The following GRM1 variants were observed in gnomAD, a reference collection of about 807,000 sequenced individuals.
The protein encoded by GRM1 is metabotropic glutamate receptor 1.
A neutral mutation model predicts 90.9 loss-of-function variants in GRM1; 33 were observed. That is an observed-to-expected ratio of 0.36 (90% CI 0.28 to 0.49). The LOEUF (loss-of-function observed/expected upper bound fraction) is 0.49. Ranked by LOEUF, GRM1 falls within the 20% of genes least tolerant of loss-of-function variation. GRM1 has a pLI of 0.99. For synonymous variants in GRM1, 700 were observed against 613.2 expected, an observed-to-expected ratio of 1.14 and a Z score of -2.09; for missense variants, 1,190 against 1,534.3, an observed-to-expected ratio of 0.78 and a Z score of 3.75.
intron 6 of GRM1, 56 bp downstream of exon 6, chr6:146,387,072 T>A: frequency 3.3e-6 from 5 of 1,538,270 alleles, no homozygotes; most frequent in Non-Finnish European, 3.6e-6. Flanking sequence ...TTCCAATGTG[T>A]CCATCCCTCA....
At chr6:146,092,694 G>A (rs1776753155) in intron 1 of GRM1, among the ~76,000 whole-genome samples, 1 of 152,044 alleles carries the variant, frequency 6.6e-6, no homozygotes, top group Admixed American at 6.6e-5. Flanking sequence ...ATGCACATCT[G>A]AGAGGGCTTA....
At chr6:146,409,355 G>T (rs762504533) in intron 7 of GRM1, among the ~76,000 whole-genome samples, 7 of 152,136 alleles carry the variant, frequency 4.6e-5, no homozygotes, top group Non-Finnish European at 8.8e-5. Context: ...AGCACAGAGA[G>T]AAATACTGTC....
intron 2 of GRM1, among the ~76,000 whole-genome samples, chr6:146,214,207 A>C (rs1345789647): frequency 2.0e-5 from 3 of 152,130 alleles, no homozygotes; most frequent in Non-Finnish European, 4.4e-5. Flanking sequence ...AGTCAAATTG[A>C]CACCTAAGAT....
intron 2 of GRM1, among the ~76,000 whole-genome samples, chr6:146,278,017 A>C (rs1396114349): frequency 1.3e-5 from 2 of 152,156 alleles, no homozygotes; most frequent in Non-Finnish European, 2.9e-5. Flanking sequence ...GAGATTTTTA[A>C]GTATCTATTA....
intron 1 of GRM1, among the ~76,000 whole-genome samples, chr6:146,059,430 G>A (rs918911786): frequency 1.3e-5 from 2 of 152,096 alleles, no homozygotes; most frequent in Middle Eastern, 3.2e-3. Context: ...GCTATAAACA[G>A]AAGTGCCGTC....
intron 7 of GRM1, among the ~76,000 whole-genome samples, chr6:146,403,087 A>G (rs1777215351): frequency 6.6e-6 from 1 of 152,146 alleles, no homozygotes; most frequent in Non-Finnish European, 1.5e-5. Context: ...GAAAAAATCG[A>G]TTTATTGGCA....
intron 3 of GRM1, among the ~76,000 whole-genome samples, chr6:146,333,343 C>T (rs1370996641): frequency 6.6e-6 from 1 of 152,092 alleles, no homozygotes. Context: ...CCTACATCCT[C>T]AGGTGTTGAT....
intron 1 of GRM1, among the ~76,000 whole-genome samples, chr6:146,134,478 C>T (rs1431285605): frequency 1.3e-5 from 2 of 152,080 alleles, no homozygotes; most frequent in Non-Finnish European, 2.9e-5. Flanking sequence ...ACTCACAGTT[C>T]GGGGTGGCTT....
chr6:146,207,230 C>T lies in GRM1; in HGVS notation c.950+47633C>T, dbSNP rs139696536. Among the ~76,000 whole-genome samples, 410 of 152,260 alleles carry T rather than the reference C, an allele frequency of 2.7e-3. 1 individual carries two copies. Among genetic ancestry groups the T allele is most frequent in the Non-Finnish European group, 4.6e-3 (311 of 68,026 alleles). ...TATACTTTAAGCTCTTTGAGGAATT[C>T]ACCATACTGCTTTCTACAATGGTTG... On this transcript the variant is annotated intron_variant, in intron 2 of 7. Coordinates refer to ENST00000282753, the MANE Select transcript of GRM1 (RefSeq NM_001278064.2).
chr6:146,210,869 G>T (rs1269291122), intron 2 of GRM1, among the ~76,000 whole-genome samples: 2 of 152,124 alleles, frequency 1.3e-5, no homozygotes, highest in Non-Finnish European at 2.9e-5. Flanking sequence ...TGGCACATGG[G>T]CAGGCTTGTG....
At chr6:146,324,332 G>T (rs1265394702) in intron 3 of GRM1, among the ~76,000 whole-genome samples, 2 of 152,106 alleles carry the variant, frequency 1.3e-5, no homozygotes, top group East Asian at 3.9e-4. Flanking sequence ...GCTGAGCTCT[G>T]TGCGGGTGGC....
intron 1 of GRM1, among the ~76,000 whole-genome samples, chr6:146,114,902 A>C (rs991296404): frequency 1.3e-5 from 2 of 152,146 alleles, no homozygotes; most frequent in Non-Finnish European, 2.9e-5. Context: ...TTAGTGTTCA[A>C]GTTTGTTGTT....
At chr6:146,161,874 G>A (rs1777741513) in intron 2 of GRM1, among the ~76,000 whole-genome samples, 1 of 152,142 alleles carries the variant, frequency 6.6e-6, no homozygotes, top group African/African-American at 2.4e-5. Context: ...AGTTCATAAG[G>A]AGCTGAGCTG....
intron 3 of GRM1, among the ~76,000 whole-genome samples, chr6:146,315,044 T>G (rs979547492): frequency 6.6e-6 from 1 of 152,186 alleles, no homozygotes; most frequent in African/African-American, 2.4e-5. Flanking sequence ...TATGGTATAG[T>G]TCCCATGTCT....
intron 2 of GRM1, among the ~76,000 whole-genome samples, chr6:146,257,588 G>T (rs1331670359): frequency 6.6e-6 from 1 of 151,858 alleles, no homozygotes; most frequent in Non-Finnish European, 1.5e-5. Context: ...ATAAAGAATT[G>T]ACTTACGTAA....
At chr6:146,349,240 T>A (rs917833561) in intron 3 of GRM1, among the ~76,000 whole-genome samples, 13 of 107,082 alleles carry the variant, frequency 1.2e-4, no homozygotes, top group African/African-American at 1.7e-4. Context: ...CTATTTTTTT[T>A]TTTTTATTTT....
chr6:146,286,480 C>A (rs773851563), intron 2 of GRM1, among the ~76,000 whole-genome samples: 31 of 152,100 alleles, frequency 2.0e-4, no homozygotes, highest in Admixed American at 1.2e-3. Flanking sequence ...TCAGGATTAT[C>A]TCTATAAACT....
chr6:146,203,656 T>C (rs926980659), intron 2 of GRM1, among the ~76,000 whole-genome samples: 2 of 152,206 alleles, frequency 1.3e-5, no homozygotes, highest in South Asian at 4.1e-4. Context: ...GTGAACTTGA[T>C]GGCACCCAAG....
chr6:146,388,918 C>T (rs1276292403), intron 6 of GRM1, among the ~76,000 whole-genome samples: 1 of 152,192 alleles, frequency 6.6e-6, no homozygotes, highest in African/African-American at 2.4e-5. Context: ...ATAGAAAAAC[C>T]ACAGTGAGCA....
Sources: gnomAD v4.1 joint callset for allele counts (sites outside exome capture counted in the v4.1 genomes callset) on GRCh38, gnomAD v4.1.1 for gene constraint, MANE v1.5 for transcripts, NCBI Gene and HGNC (gene_info 2026-07-23, HGNC 2026-07-21) for gene names.